Variants in EGFLAM observed in about 807,000 individuals in gnomAD.
EGFLAM encodes the protein pikachurin.
A neutral mutation model predicts 113.1 loss-of-function variants in EGFLAM; 79 were observed. The observed-to-expected ratio is 0.70, with a 90% CI of 0.58 to 0.84. The LOEUF is 0.84. Ranked by LOEUF, EGFLAM falls within the 40% of genes least tolerant of loss-of-function variation. The pLI is 0.00. For missense variants in EGFLAM, 1,265 were observed against 1,291.6 expected, an observed-to-expected ratio of 0.98 and a Z score of 0.32; for synonymous variants, 504 against 487.6, an observed-to-expected ratio of 1.03 and a Z score of -0.44.
rs141231495 is a variant in EGFLAM at position 38,326,220 on chromosome 5, G to C, written c.98-11300G>C. Among the ~76,000 whole-genome samples the C allele has an allele frequency of 5.2e-3, 790 of 152,304 alleles. 10 individuals are homozygous for C. Among genetic ancestry groups the C allele is most frequent in the African/African-American group, 0.018 (761 of 41,578 alleles). ...GTGCCCCTCTGGCTTCCACTGCTAT[G>C]ATGGGGGCCCAAAGGGACATGATGG... On this transcript the variant is annotated intron_variant, in intron 1 of 21. Coordinates refer to ENST00000322350, the MANE Select transcript of EGFLAM (RefSeq NM_152403.4).
chr5:38,362,361 T>C (rs1299859959), intron 5 of EGFLAM, among the ~76,000 whole-genome samples: 1 of 152,250 alleles, frequency 6.6e-6, no homozygotes. Flanking sequence ...TTTACTGGAA[T>C]ATATAGCAAA....
intron 6 of EGFLAM, among the ~76,000 whole-genome samples, chr5:38,370,867 G>A (rs1331739647): frequency 6.6e-6 from 1 of 152,146 alleles, no homozygotes; most frequent in East Asian, 1.9e-4. Flanking sequence ...GAAAATAAAG[G>A]ATATTCAAAC....
intron 1 of EGFLAM, among the ~76,000 whole-genome samples, chr5:38,270,404 G>A (rs1757738253): frequency 6.6e-6 from 1 of 151,982 alleles, no homozygotes; most frequent in South Asian, 2.1e-4. Context: ...TATCATTCCA[G>A]TCTCAGGATT....
intron 1 of EGFLAM, among the ~76,000 whole-genome samples, chr5:38,314,519 C>A (rs1738540207): frequency 6.6e-6 from 1 of 152,186 alleles, no homozygotes. Flanking sequence ...CTGAACAGAT[C>A]ACAGAGTGAT....
chr5:38,314,933 C>T (rs1561274723), intron 1 of EGFLAM, among the ~76,000 whole-genome samples: 2 of 152,138 alleles, frequency 1.3e-5, no homozygotes, highest in South Asian at 2.1e-4. Context: ...AGCTGAGCTT[C>T]GATGACTTTC....
At chr5:38,388,917 G>GAAAAAA (rs770527595) in intron 6 of EGFLAM, among the ~76,000 whole-genome samples, 2 of 61,066 alleles carry the variant, frequency 3.3e-5, no homozygotes, top group Non-Finnish European at 7.3e-5. Context: ...CCTGTCTCAA[G>GAAAAAA]AAAAAAAAAA....
intron 6 of EGFLAM, among the ~76,000 whole-genome samples, chr5:38,402,940 G>T (rs909984305): frequency 6.6e-6 from 1 of 152,206 alleles, no homozygotes; most frequent in African/African-American, 2.4e-5. Context: ...ACCTTGTTGA[G>T]AATGTGTTAA....
intron 6 of EGFLAM, among the ~76,000 whole-genome samples, chr5:38,402,541 C>T (rs1035282738): frequency 2.0e-5 from 3 of 152,238 alleles, no homozygotes; most frequent in African/African-American, 4.8e-5. Flanking sequence ...CTGCAATAGG[C>T]GATTAGGAGA....
chr5:38,299,294 C>T (rs1241278702), intron 1 of EGFLAM, among the ~76,000 whole-genome samples: 1 of 152,182 alleles, frequency 6.6e-6, no homozygotes, highest in African/African-American at 2.4e-5. Context: ...CCTACTTGTT[C>T]TCATTTACCT....
chr5:38,285,918 A>C (rs751608357), intron 1 of EGFLAM: 1 of 152,172 alleles, frequency 6.6e-6, no homozygotes, highest in Non-Finnish European at 1.5e-5. Context: ...TTACAATTCG[A>C]GATGAGATCT....
intron 1 of EGFLAM, among the ~76,000 whole-genome samples, chr5:38,327,236 C>T (rs1738914394): frequency 6.6e-6 from 1 of 152,164 alleles, no homozygotes; most frequent in South Asian, 2.1e-4. Context: ...ACCATTTGCT[C>T]CAACCCAACT....
chr5:38,351,109 CTTT>C (rs981908561), intron 4 of EGFLAM, among the ~76,000 whole-genome samples: 4 of 135,732 alleles, frequency 2.9e-5, no homozygotes, highest in Admixed American at 7.5e-5. Flanking sequence ...AGCAGCACTT[CTTT>C]TTTTTTTTTT....
chr5:38,440,922 C>T (rs1015545009), intron 17 of EGFLAM, among the ~76,000 whole-genome samples: 1 of 152,176 alleles, frequency 6.6e-6, no homozygotes, highest in Non-Finnish European at 1.5e-5. Flanking sequence ...CAAGTGAGTT[C>T]CACAAGGGCC....
chr5:38,284,515 C>T (rs1758104055), intron 1 of EGFLAM, among the ~76,000 whole-genome samples: 1 of 152,164 alleles, frequency 6.6e-6, no homozygotes, highest in South Asian at 2.1e-4. Flanking sequence ...GGTCCATGGG[C>T]TGTGGTTTGC....
At chr5:38,364,138 C>T (rs1474524110) in intron 5 of EGFLAM, among the ~76,000 whole-genome samples, 1 of 152,096 alleles carries the variant, frequency 6.6e-6, no homozygotes, top group Non-Finnish European at 1.5e-5. Context: ...AGCATATGTT[C>T]ATACAAACAT....
At chr5:38,428,373 T>C (rs563669496) in intron 14 of EGFLAM, among the ~76,000 whole-genome samples, 1 of 152,254 alleles carries the variant, frequency 6.6e-6, no homozygotes, top group Non-Finnish European at 1.5e-5. Context: ...TCCTTGTGGC[T>C]GAATTCCTGC....
intron 1 of EGFLAM, among the ~76,000 whole-genome samples, chr5:38,276,579 C>G (rs1004964326): frequency 6.6e-6 from 1 of 151,044 alleles, no homozygotes; most frequent in Admixed American, 6.6e-5. Flanking sequence ...AAGACTAGAT[C>G]AGAAATAAAT....
chr5:38,426,482 A>C (rs1742013403), intron 13 of EGFLAM, among the ~76,000 whole-genome samples: 1 of 152,220 alleles, frequency 6.6e-6, no homozygotes, highest in Admixed American at 6.5e-5. Context: ...TTTGGACCTA[A>C]GATACCATAT....
intron 1 of EGFLAM, among the ~76,000 whole-genome samples, chr5:38,294,135 T>C (rs1030640250): frequency 2.6e-5 from 4 of 152,210 alleles, no homozygotes; most frequent in Non-Finnish European, 5.9e-5. Context: ...TGTTTCAAGC[T>C]GCAGGTTCTC....
Sources: gnomAD v4.1 joint callset for allele counts (sites outside exome capture counted in the v4.1 genomes callset) on GRCh38, gnomAD v4.1.1 for gene constraint, MANE v1.5 for transcripts, NCBI Gene and HGNC (gene_info 2026-07-23, HGNC 2026-07-21) for gene names.